Variants in SLC12A7 observed in about 807,000 individuals in gnomAD.
The protein encoded by SLC12A7 is solute carrier family 12 member 7, also known as K-Cl cotransporter 4.
Under a neutral mutation model 120.6 loss-of-function variants are expected in SLC12A7, and 100 were observed. The ratio of observed to expected loss-of-function variants is 0.83; its 90% CI spans 0.71 to 0.98. The LOEUF is 0.98. Among genes scored for constraint, SLC12A7 ranks in the 50% least tolerant of loss-of-function variants. The pLI, the probability that SLC12A7 is intolerant of heterozygous loss-of-function variation, is 0.00. For synonymous variants in SLC12A7, 760 were observed against 678.0 expected (o/e 1.12, Z -1.88); for missense variants, 1,373 against 1,548.1 (o/e 0.89, Z 1.90).
chr5:1,078,842 T>TGGGGGGG, intron 10 of SLC12A7, 84 bp from the exon 11 acceptor site: 1 of 17,384 alleles, frequency 5.8e-5, no homozygotes, highest in Non-Finnish European at 1.0e-4. Flanking sequence ...GTGGGGTGGG[T>TGGGGGGG]GGGGAGATGC....
upstream of SLC12A7, among the ~76,000 whole-genome samples, chr5:1,114,406 C>T (rs1447483945): frequency 6.6e-6 from 1 of 152,276 alleles, no homozygotes; most frequent in Admixed American, 6.5e-5. Context: ...AGACCCTTGC[C>T]GGAGCCCAGA....
chr5:1,065,146 G>GAC, intron 18 of SLC12A7, 137 bp downstream of exon 18: 1 of 737,340 alleles, frequency 1.4e-6, no homozygotes, highest in Non-Finnish European at 2.2e-6. Context: ...ACACCAAGGG[G>GAC]ACAGTGGGGA....
At chr5:1,058,632 TC>T (rs1225566291) in intron 21 of SLC12A7, among the ~76,000 whole-genome samples, 1 of 152,232 alleles carries the variant, frequency 6.6e-6, no homozygotes, top group African/African-American at 2.4e-5. Context: ...TGGATGTCGG[TC>T]CTTCCCGAAA....
At chr5:1,054,986 G>A (rs1182530954) in intron 22 of SLC12A7, among the ~76,000 whole-genome samples, 1 of 152,234 alleles carries the variant, frequency 6.6e-6, no homozygotes, top group African/African-American at 2.4e-5. Context: ...CAGGAGCACA[G>A]GGGGGTCGGA....
rs759685542 is a variant in SLC12A7, at chr5:1,076,277, C to G, written c.1749-41G>C. Reference sequence around the variant, plus strand: ...GCCACTGATACGGGCCCACTGGGCCCCCCTGAGCCCCCAGTCACTGCCACC... The same window carrying G: ...GCCACTGATACGGGCCCACTGGGCCGCCCTGAGCCCCCAGTCACTGCCACC... On this transcript the variant is annotated intron_variant, in intron 13 of 23. Transcript: ENST00000264930. The G allele has an allele frequency of 2.6e-6, 4 of 1,523,496 alleles. No individual in the cohort carries two copies. The South Asian group carries it at 4.7e-5, about 18-fold the overall frequency. 94.4% of individuals were successfully genotyped at this position (1,523,496 alleles called of 1,614,324 possible).
At chr5:1,077,798 T>G (rs1738531700) in intron 12 of SLC12A7, 35 bp downstream of exon 12, 1 of 1,531,284 alleles carries the variant, frequency 6.5e-7, no homozygotes, top group Non-Finnish European at 8.8e-7. Flanking sequence ...GACCCTGACC[T>G]TCCAGGGTCC....
At chr5:1,143,494 T>C in the SLC12A7 span, among the ~76,000 whole-genome samples, 2 of 152,178 alleles carry the variant, frequency 1.3e-5, no homozygotes, top group Non-Finnish European at 2.9e-5. Context: ...ACACGTCCTA[T>C]TGGGTCAGGG....
intron 22 of SLC12A7, among the ~76,000 whole-genome samples, chr5:1,055,114 A>ACACGCACACTAATGTGTATACG (rs1289209777): frequency 3.7e-4 from 56 of 152,166 alleles, no homozygotes; most frequent in Admixed American, 7.2e-4. Context: ...ACAGGCACAG[A>ACACGCACACTAATGTGTATACG]CACGCACACT....
chr5:1,101,651 G>A (rs1455395862), intron 1 of SLC12A7, among the ~76,000 whole-genome samples: 1 of 152,112 alleles, frequency 6.6e-6, no homozygotes, highest in Non-Finnish European at 1.5e-5. Flanking sequence ...TTATAAAAAC[G>A]ACCCCAGGTA....
At chr5:1,144,237 G>A in the SLC12A7 span, among the ~76,000 whole-genome samples, 4 of 152,304 alleles carry the variant, frequency 2.6e-5, no homozygotes, top group South Asian at 6.2e-4. Flanking sequence ...GCCGGGTGGC[G>A]GGAGAGGATG....
At position 1,051,143 on chromosome 5, in the gene SLC12A7, C is replaced by G; in HGVS notation, c.*1217G>C. Reference sequence around the variant, plus strand: ...CCACAACCTACAAAGCAGAAACTCACAGCCAGCCGAAGTGCAAAGTGTTGG... The same window carrying G: ...CCACAACCTACAAAGCAGAAACTCAGAGCCAGCCGAAGTGCAAAGTGTTGG... On this transcript the variant is annotated 3_prime_UTR_variant, in exon 24 of 24. Transcript: ENST00000264930. 1 of 391,554 alleles carries G rather than the reference C, an allele frequency of 2.6e-6. No individual in the cohort carries two copies. The highest frequency in any genetic ancestry group is 4.5e-6 in the Non-Finnish European group (1 of 222,058). 24.3% of individuals were successfully genotyped at this position (391,554 alleles called of 1,614,324 possible). A position where few individuals can be genotyped will look rare whatever the true frequency, so the allele number is the denominator to read the frequency against.
In SLC12A7 at chr5:1,074,244, C is replaced by T. The variant is rs551887286; in HGVS notation, c.2072+323G>A. Among the ~76,000 whole-genome samples the T allele has an allele frequency of 9.5e-3, 1,441 of 151,804 alleles. 32 individuals carry two copies. Among genetic ancestry groups the T allele is most frequent in the African/African-American group, 0.033 (1,382 of 41,336 alleles). On this transcript the variant is annotated intron_variant, in intron 16 of 23. Transcript: ENST00000264930. ...TGAGGGGACAATGGCCCGGGGCACA[C>T]ACCTGAGGCCCCCGCCGAGGCCCTG...
Position 1,076,683 on chromosome 5 carries a change from T to A in SLC12A7, c.1748+11A>T, listed in dbSNP as rs767674859. The A allele has an allele frequency of 6.3e-7, 1 of 1,597,786 alleles. No individual in the cohort carries two copies. The highest frequency in any genetic ancestry group is 1.7e-5 in the Admixed American group (1 of 59,966). ...CACCCATCCCCAGGTCCCCGTCCTG[T>A]GGGGGCTCACATGGAGAGGATCGGG... On this transcript the variant is annotated intron_variant, in intron 13 of 23. Transcript: ENST00000264930.
At chr5:1,109,308 C>T (rs553937378) in intron 1 of SLC12A7, among the ~76,000 whole-genome samples, 91 of 152,266 alleles carry the variant, frequency 6.0e-4, no homozygotes, top group African/African-American at 2.0e-3. Context: ...GGTGGGCTCC[C>T]CCAAGTCAGT....
the SLC12A7 span, among the ~76,000 whole-genome samples, chr5:1,144,330 A>G: frequency 2.6e-5 from 4 of 152,244 alleles, no homozygotes; most frequent in African/African-American, 9.6e-5. Flanking sequence ...TTGCTCTGCC[A>G]GGGCAGCTCA....
At chr5:1,088,512 G>A in intron 4 of SLC12A7, 152 bp from the exon 5 acceptor site, 1 of 815,590 alleles carries the variant, frequency 1.2e-6, no homozygotes, top group Non-Finnish European at 2.0e-6. Flanking sequence ...TAGGAAACAG[G>A]ACCTGGAGGC....
At chr5:1,112,840 CCA>C (rs1170462403), upstream of SLC12A7, among the ~76,000 whole-genome samples, 1 of 145,942 alleles carries the variant, frequency 6.9e-6, no homozygotes, top group African/African-American at 2.5e-5. Context: ...TGGTCCAGCT[CCA>C]GTTTAGGGAC....
At chr5:1,137,018 GAC>G in the SLC12A7 span, among the ~76,000 whole-genome samples, 2 of 148,482 alleles carry the variant, frequency 1.3e-5, no homozygotes, top group South Asian at 2.2e-4. Context: ...CCAACAGCAG[GAC>G]ACACACACGT....
At chr5:1,090,166 A>C (rs1740335220) in intron 3 of SLC12A7, among the ~76,000 whole-genome samples, 1 of 152,210 alleles carries the variant, frequency 6.6e-6, no homozygotes, top group Non-Finnish European at 1.5e-5. Flanking sequence ...GCTCCCAGGG[A>C]GAGCACGCTG....
Sources: gnomAD v4.1 joint callset for allele counts (sites outside exome capture counted in the v4.1 genomes callset) on GRCh38, gnomAD v4.1.1 for gene constraint, MANE v1.5 for transcripts, NCBI Gene and HGNC (gene_info 2026-07-23, HGNC 2026-07-21) for gene names.